DAAM1: variants seen among roughly 807,000 people sequenced by gnomAD.
DAAM1 encodes dishevelled associated activator of morphogenesis 1, also known as disheveled-associated activator of morphogenesis 1.
DAAM1 carries 52 observed loss-of-function variants against 130.0 expected under a neutral mutation model. The observed-to-expected ratio is 0.40, with a 90% CI of 0.32 to 0.50. DAAM1 has a LOEUF of 0.50. DAAM1 is among the 20% of genes least tolerant of loss of function. The pLI is 0.61. For missense variants in DAAM1, 1,134 were observed against 1,303.8 expected (o/e 0.87, Z 2.01); for synonymous variants, 452 against 444.5 (o/e 1.02, Z -0.21).
chr14:59,330,650 G>A lies in DAAM1; in HGVS notation c.1522G>A (p.Val508Met). The change falls in exon 13 of 25, where the codon GTG (valine) becomes ATG (methionine). Residue 508 changes from valine (V) to methionine (M), a missense_variant. Physicochemically the swap from Val to Met is conservative, Grantham distance 21 (BLOSUM62 1). Coordinates refer to ENST00000360909, the MANE Select transcript of DAAM1 (RefSeq NM_001270520.2). ...TTEHKQVKQQ[V>M]ADLTAQLHEL... Reference sequence around the variant, plus strand: ...TGAGCATAAGCAAGTCAAGCAGCAGGTGGCGGACCTCACAGCACAGCTCCA... The same window carrying A: ...TGAGCATAAGCAAGTCAAGCAGCAGATGGCGGACCTCACAGCACAGCTCCA... 6.2e-7 allele frequency: 1 copy of A among 1,613,778 alleles called. No homozygotes were observed. Among genetic ancestry groups the A allele is most frequent in the South Asian group, 1.1e-5 (1 of 91,030 alleles).
At chr14:59,208,683 G>A (rs540456152) in intron 1 of DAAM1, among the ~76,000 whole-genome samples, 2 of 152,154 alleles carry the variant, frequency 1.3e-5, no homozygotes, top group East Asian at 1.9e-4. Context: ...AATATCATTT[G>A]GATGTTTGTC....
At chr14:59,268,998 C>T (rs896550140) in intron 2 of DAAM1, among the ~76,000 whole-genome samples, 2 of 152,166 alleles carry the variant, frequency 1.3e-5, no homozygotes, top group African/African-American at 4.8e-5. Context: ...TAGCAATAGA[C>T]GATTTCCCTT....
intron 13 of DAAM1, 81 bp downstream of exon 13, chr14:59,330,769 C>A: frequency 7.4e-7 from 1 of 1,345,148 alleles, no homozygotes; most frequent in Non-Finnish European, 1.0e-6. Context: ...TAGAGAACTT[C>A]ATACTGGGGG....
intron 1 of DAAM1, among the ~76,000 whole-genome samples, chr14:59,250,024 C>T (rs1464801700): frequency 1.3e-5 from 2 of 152,094 alleles, no homozygotes; most frequent in East Asian, 1.9e-4. Flanking sequence ...ATCTCTTGTT[C>T]TTGGGTATAT....
chr14:59,191,883 G>A (rs1887740168), intron 1 of DAAM1, among the ~76,000 whole-genome samples: 1 of 152,192 alleles, frequency 6.6e-6, no homozygotes. Flanking sequence ...GAGCCGTTCC[G>A]TAAACAGGAT....
In DAAM1 at chr14:59,326,955, A is replaced by AAGC. The variant is rs760151153; in HGVS notation, c.1339_1341dup (p.Gln447dup). 3.7e-6 allele frequency: 6 copies of AAGC among 1,614,008 alleles called. No individual in the cohort carries two copies. Among genetic ancestry groups the AAGC allele is most frequent in the Non-Finnish European group, 5.1e-6 (6 of 1,179,954 alleles). ...CAGGTTGGTTAATGAAAATGAAGTT[A>AAGC]AGCAGTGGAAAGAACAAGCGGAAAA... On this transcript the variant is annotated inframe_insertion, in exon 12 of 25. Coordinates refer to ENST00000360909, the MANE Select transcript of DAAM1 (RefSeq NM_001270520.2).
intron 1 of DAAM1, among the ~76,000 whole-genome samples, chr14:59,211,701 C>G (rs1006178274): frequency 6.6e-6 from 1 of 152,170 alleles, no homozygotes; most frequent in Non-Finnish European, 1.5e-5. Context: ...CACTCACATT[C>G]TATGAATAAA....
chr14:59,195,506 C>T (rs1447190893), intron 1 of DAAM1, among the ~76,000 whole-genome samples: 1 of 152,204 alleles, frequency 6.6e-6, no homozygotes, highest in South Asian at 2.1e-4. Flanking sequence ...TTATTCTGTT[C>T]TATAAATTAC....
intron 2 of DAAM1, among the ~76,000 whole-genome samples, chr14:59,275,037 C>T (rs909844592): frequency 2.7e-4 from 41 of 152,142 alleles, no homozygotes; most frequent in African/African-American, 9.9e-4. Context: ...AGACAAGCAG[C>T]CAAACAATCC....
At chr14:59,348,783 G>A (rs886665457) in intron 17 of DAAM1, among the ~76,000 whole-genome samples, 2 of 152,068 alleles carry the variant, frequency 1.3e-5, no homozygotes, top group African/African-American at 2.4e-5. Flanking sequence ...TGATGTCCTC[G>A]AAGGTCTCAG....
chr14:59,364,004 T>C (rs1886816503), intron 23 of DAAM1, among the ~76,000 whole-genome samples: 1 of 152,240 alleles, frequency 6.6e-6, no homozygotes, highest in African/African-American at 2.4e-5. Flanking sequence ...ACCCTTTTTG[T>C]CTGACTGGCC....
chr14:59,322,075 GA>G lies in DAAM1; in HGVS notation c.441-816del, dbSNP rs1211856698. Among the ~76,000 whole-genome samples the G allele has an allele frequency of 2.0e-5, 3 of 152,268 alleles. No homozygotes were observed. In the South Asian group the frequency reaches 6.2e-4, roughly 32 times the overall value. ...AGATTCCATGTAGCATGTCATATAA[GA>G]GAAGAATTTTGTCACAAAACCTTAG... On this transcript the variant is annotated intron_variant, in intron 5 of 24. Coordinates refer to ENST00000360909, the MANE Select transcript of DAAM1 (RefSeq NM_001270520.2).
chr14:59,326,124 T>C, intron 10 of DAAM1, 47 bp downstream of exon 10: 1 of 1,551,018 alleles, frequency 6.4e-7, no homozygotes, highest in Non-Finnish European at 8.9e-7. Flanking sequence ...TGTTTGGACA[T>C]TGTCCTAATG....
At chr14:59,197,360 A>G (rs904206374) in intron 1 of DAAM1, among the ~76,000 whole-genome samples, 1 of 152,198 alleles carries the variant, frequency 6.6e-6, no homozygotes, top group African/African-American at 2.4e-5. Flanking sequence ...CGTTAGAGGT[A>G]CTTTGTTCAG....
At chr14:59,232,702 G>A (rs1889150469) in intron 1 of DAAM1, among the ~76,000 whole-genome samples, 1 of 149,310 alleles carries the variant, frequency 6.7e-6, no homozygotes, top group Non-Finnish European at 1.5e-5. Flanking sequence ...AGGTATACAT[G>A]TGCCATGGTG....
At chr14:59,202,951 A>G (rs1457703492) in intron 1 of DAAM1, among the ~76,000 whole-genome samples, 4 of 151,668 alleles carry the variant, frequency 2.6e-5, no homozygotes, top group South Asian at 2.1e-4. Flanking sequence ...AGCATAGCGT[A>G]GTATTGAAGA....
rs1324051913 is a variant in DAAM1 at position 59,363,746 on chromosome 14, T to G, written c.2790T>G (p.Ser930=). ...QFITVASFSF[S]DVEDLLAEAK... The stretch of plus-strand genomic sequence containing the variant: ...TCACAGTAGCCAGCTTCAGCTTCTC[T>G]GATGTTGAAGACCTTCTAGCAGAAG... The change falls in exon 23 of 25, where the codon TCT becomes TCG. Residue 930 remains serine, a synonymous_variant. Coordinates refer to ENST00000360909, the MANE Select transcript of DAAM1 (RefSeq NM_001270520.2). 2 of 1,614,002 alleles carry G rather than the reference T, an allele frequency of 1.2e-6. No homozygotes were observed. Among genetic ancestry groups the G allele is most frequent in the Non-Finnish European group, 1.7e-6 (2 of 1,179,988 alleles).
intron 3 of DAAM1, among the ~76,000 whole-genome samples, chr14:59,314,059 C>G (rs752965182): frequency 6.6e-6 from 1 of 152,208 alleles, no homozygotes; most frequent in Non-Finnish European, 1.5e-5. Flanking sequence ...TTTTATTCCA[C>G]CTGTGTAGAC....
At chr14:59,211,751 C>G (rs1315277212) in intron 1 of DAAM1, among the ~76,000 whole-genome samples, 1 of 152,074 alleles carries the variant, frequency 6.6e-6, no homozygotes, top group African/African-American at 2.4e-5. Context: ...GATGTTTTAT[C>G]TTAATTTTCT....
Sources: gnomAD v4.1 joint callset for allele counts (sites outside exome capture counted in the v4.1 genomes callset) on GRCh38, gnomAD v4.1.1 for gene constraint, MANE v1.5 for transcripts, NCBI Gene and HGNC (gene_info 2026-07-23, HGNC 2026-07-21) for gene names.